The following SLC30A8 variants were observed in gnomAD, a reference collection of about 807,000 sequenced individuals.
SLC30A8 encodes proton-coupled zinc antiporter SLC30A8.
A neutral mutation model predicts 36.9 loss-of-function variants in SLC30A8; 27 were observed. The ratio of observed to expected loss-of-function variants is 0.73; its 90% CI spans 0.54 to 1.01. The LOEUF is 1.01. Among genes scored for constraint, SLC30A8 ranks in the 50% least tolerant of loss-of-function variants. The probability of loss-of-function intolerance (pLI) is 0.00; values close to 1 mark genes in which losing one functional copy is unlikely to be tolerated. For synonymous variants in SLC30A8, 164 were observed against 172.4 expected, an observed-to-expected ratio of 0.95 and a Z score of 0.38; for missense variants, 439 against 452.0, an observed-to-expected ratio of 0.97 and a Z score of 0.26.
chr8:117,116,835 TGAATA>T (rs1820464501), intron 2 of SLC30A8, among the ~76,000 whole-genome samples: 1 of 152,042 alleles, frequency 6.6e-6, no homozygotes, highest in African/African-American at 2.4e-5. Context: ...AATGTGCATT[TGAATA>T]GGAGCAATGG....
At chr8:117,009,670 C>A (rs1816283656) in intron 1 of SLC30A8, among the ~76,000 whole-genome samples, 1 of 152,066 alleles carries the variant, frequency 6.6e-6, no homozygotes, top group Non-Finnish European at 1.5e-5. Flanking sequence ...AAAGGAGAAG[C>A]TGATAAATTC....
At chr8:116,971,396 C>T (rs1004181708) in intron 1 of SLC30A8, among the ~76,000 whole-genome samples, 1 of 151,894 alleles carries the variant, frequency 6.6e-6, no homozygotes. Context: ...CTACACAATT[C>T]GATTGCTCCA....
In SLC30A8 at chr8:117,033,466, G is replaced by A. The variant is rs182591280; in HGVS notation, c.-265-5753G>A. Reference sequence around the variant, plus strand: ...CAGATTGGTGGTTGCCAGACAGTAAGGATAACAGGAAATGAGGAGCACTGA... The same window carrying A: ...CAGATTGGTGGTTGCCAGACAGTAAAGATAACAGGAAATGAGGAGCACTGA... On this transcript the variant is annotated intron_variant, in intron 1 of 10. Coordinates refer to the SLC30A8 transcript ENST00000427715. Among the ~76,000 whole-genome samples the A allele has an allele frequency of 5.3e-5, 8 of 152,274 alleles. 1 individual carries two copies. The East Asian group carries it at 1.5e-3, about 29-fold the overall frequency.
chr8:117,040,390 C>G (rs774224213), intron 2 of SLC30A8, among the ~76,000 whole-genome samples: 2 of 152,208 alleles, frequency 1.3e-5, no homozygotes, highest in Non-Finnish European at 2.9e-5. Flanking sequence ...CTGTCTAATC[C>G]TTGTGCCTGA....
chr8:116,981,480 C>T (rs1194424041), intron 1 of SLC30A8, among the ~76,000 whole-genome samples: 1 of 152,090 alleles, frequency 6.6e-6, no homozygotes, highest in Non-Finnish European at 1.5e-5. Context: ...AATTGCATGT[C>T]ACAGGAGTTT....
intron 1 of SLC30A8, among the ~76,000 whole-genome samples, chr8:116,992,975 GA>G (rs35929196): frequency 0.38 from 57,471 of 151,778 alleles, 11,866 homozygotes; most frequent in South Asian, 0.48. Context: ...GAGTAAAGAA[GA>G]TATAGAGATT....
chr8:117,132,158 G>A (rs970199089), upstream of SLC30A8, among the ~76,000 whole-genome samples: 1 of 151,950 alleles, frequency 6.6e-6, no homozygotes, highest in African/African-American at 2.4e-5. Context: ...TTTAAATATG[G>A]GGAACACAAA....
intron 1 of SLC30A8, among the ~76,000 whole-genome samples, chr8:117,038,711 G>A (rs1453550427): frequency 5.3e-5 from 8 of 152,194 alleles, no homozygotes; most frequent in Non-Finnish European, 1.2e-4. Context: ...CTCTAGAAAT[G>A]TGAAGACATT....
chr8:117,171,119 C>G lies in SLC30A8; in HGVS notation c.915C>G (p.Ile305Met). ...DGVLSVHSLH[I>M]WSLTMNQVIL... ...TGCTGTCTGTGCACAGCCTGCACAT[C>G]TGGTCTCTAACAATGAATCAAGTAA... Residue 305 changes from isoleucine to methionine, a missense_variant, in exon 7 of 8, where the codon ATC becomes ATG. Physicochemically the swap from Ile to Met is conservative, Grantham distance 10. Transcript: ENST00000456015. 3 of 1,613,480 alleles carry G rather than the reference C, an allele frequency of 1.9e-6. No homozygotes were observed. The highest frequency in any genetic ancestry group is 2.5e-6 in the Non-Finnish European group (3 of 1,179,586).
intron 2 of SLC30A8, among the ~76,000 whole-genome samples, chr8:117,115,617 AG>A (rs1227596259): frequency 6.6e-6 from 1 of 152,148 alleles, no homozygotes; most frequent in African/African-American, 2.4e-5. Flanking sequence ...CTTTTGGGTG[AG>A]AAAGTCATAT....
chr8:117,052,869 A>G (rs1817751967), intron 2 of SLC30A8, among the ~76,000 whole-genome samples: 1 of 149,564 alleles, frequency 6.7e-6, no homozygotes, highest in African/African-American at 2.5e-5. Flanking sequence ...TCTGAATTTC[A>G]TTTCAGGGTA....
At chr8:117,015,014 AAT>A (rs34748748) in intron 1 of SLC30A8, among the ~76,000 whole-genome samples, 3 of 147,646 alleles carry the variant, frequency 2.0e-5, no homozygotes, top group African/African-American at 2.5e-5. Flanking sequence ...ATATATTACA[AAT>A]ATATATATAT....
At chr8:117,080,488 C>G (rs1371372305) in intron 2 of SLC30A8, among the ~76,000 whole-genome samples, 1 of 152,112 alleles carries the variant, frequency 6.6e-6, no homozygotes, top group Non-Finnish European at 1.5e-5. Context: ...GCCCCTCCCT[C>G]TCTCCCTCCT....
chr8:117,084,478 T>C (rs1278302490), intron 2 of SLC30A8, among the ~76,000 whole-genome samples: 1 of 152,188 alleles, frequency 6.6e-6, no homozygotes, highest in Admixed American at 6.5e-5. Context: ...TCCAGAAAGA[T>C]GCAACCATTT....
intron 1 of SLC30A8, among the ~76,000 whole-genome samples, chr8:116,961,919 A>C (rs1417138851): frequency 6.6e-6 from 1 of 151,888 alleles, no homozygotes; most frequent in Non-Finnish European, 1.5e-5. Context: ...CATGACCTAA[A>C]CGCCTTCTAG....
intron 1 of SLC30A8, among the ~76,000 whole-genome samples, chr8:117,015,023 A>G (rs1432316529): frequency 2.0e-5 from 3 of 150,372 alleles, no homozygotes; most frequent in African/African-American, 4.9e-5. Context: ...AAATATATAT[A>G]TATATAGATA....
At chr8:117,053,672 A>G (rs780404330) in intron 2 of SLC30A8, among the ~76,000 whole-genome samples, 1 of 152,182 alleles carries the variant, frequency 6.6e-6, no homozygotes, top group Non-Finnish European at 1.5e-5. Flanking sequence ...TCTGAAGCCA[A>G]AGTTTGCTAC....
chr8:117,082,178 A>T (rs555122231), intron 2 of SLC30A8, among the ~76,000 whole-genome samples: 21 of 152,228 alleles, frequency 1.4e-4, no homozygotes, highest in Non-Finnish European at 2.4e-4. Context: ...AAAGTAGGTG[A>T]ATAGCTACTG....
intron 1 of SLC30A8, among the ~76,000 whole-genome samples, chr8:116,988,430 G>C (rs1815524278): frequency 6.6e-6 from 1 of 152,156 alleles, no homozygotes; most frequent in African/African-American, 2.4e-5. Flanking sequence ...CATGGTACCA[G>C]GTATATCATG....
Sources: gnomAD v4.1 joint callset for allele counts (sites outside exome capture counted in the v4.1 genomes callset) on GRCh38, gnomAD v4.1.1 for gene constraint, MANE v1.5 for transcripts, NCBI Gene and HGNC (gene_info 2026-07-23, HGNC 2026-07-21) for gene names.